Variants in IKZF3 observed in about 807,000 individuals in gnomAD.
The protein encoded by IKZF3 is zinc finger protein Aiolos.
Under a neutral mutation model 49.0 loss-of-function variants are expected in IKZF3, and 10 were observed. The ratio of observed to expected loss-of-function variants is 0.20; its 90% CI spans 0.13 to 0.35. IKZF3 has a LOEUF of 0.35. IKZF3 is among the 10% of genes least tolerant of loss of function. IKZF3 has a pLI of 1.00. For missense variants in IKZF3, 498 were observed against 664.8 expected, an observed-to-expected ratio of 0.75 and a Z score of 2.76; for synonymous variants, 209 against 228.2, an observed-to-expected ratio of 0.92 and a Z score of 0.76.
At chr17:39,789,112 C>T (rs771498097) in intron 5 of IKZF3, among the ~76,000 whole-genome samples, 6 of 152,004 alleles carry the variant, frequency 3.9e-5, no homozygotes, top group South Asian at 2.1e-4. Flanking sequence ...CCATTGCACC[C>T]GGCCAGGATA....
intron 7 of IKZF3, among the ~76,000 whole-genome samples, chr17:39,774,259 T>C (rs140704864): frequency 6.6e-6 from 1 of 152,272 alleles, no homozygotes; most frequent in East Asian, 1.9e-4. Context: ...TTAAAGGGAA[T>C]GACTCACTCT....
At chr17:39,768,788 T>A (rs948463910) in intron 7 of IKZF3, among the ~76,000 whole-genome samples, 1 of 152,240 alleles carries the variant, frequency 6.6e-6, no homozygotes, top group Admixed American at 6.5e-5. Context: ...ATGTGGTTTT[T>A]AAGGAAACTT....
intron 1 of IKZF3, among the ~76,000 whole-genome samples, chr17:39,855,392 C>G (rs183893498): frequency 6.6e-6 from 1 of 152,094 alleles, no homozygotes; most frequent in Admixed American, 6.6e-5. Context: ...TACATGAATT[C>G]CTAATATCAA....
At chr17:39,820,738 G>A (rs898409839) in intron 3 of IKZF3, among the ~76,000 whole-genome samples, 1 of 152,172 alleles carries the variant, frequency 6.6e-6, no homozygotes, top group Non-Finnish European at 1.5e-5. Flanking sequence ...TGCTAACGAG[G>A]TAGCTGAGGC....
intron 2 of IKZF3, among the ~76,000 whole-genome samples, chr17:39,831,249 C>A (rs1026169756): frequency 2.6e-5 from 4 of 152,046 alleles, no homozygotes; most frequent in African/African-American, 9.7e-5. Flanking sequence ...TGGTGCATGC[C>A]TGTAATCTCA....
At chr17:39,855,926 C>T (rs537359081) in intron 1 of IKZF3, among the ~76,000 whole-genome samples, 33 of 150,868 alleles carry the variant, frequency 2.2e-4, no homozygotes, top group South Asian at 8.4e-4. Context: ...TTATAATATA[C>T]GATGATGATG....
intron 6 of IKZF3, among the ~76,000 whole-genome samples, chr17:39,780,924 A>G (rs2060726186): frequency 6.6e-6 from 1 of 152,262 alleles, no homozygotes; most frequent in African/African-American, 2.4e-5. Flanking sequence ...CTTGTCAAAA[A>G]TAATTCTAGG....
chr17:39,829,007 AAATAAT>A (rs1568031819), intron 3 of IKZF3, among the ~76,000 whole-genome samples: 3 of 152,138 alleles, frequency 2.0e-5, no homozygotes, highest in Admixed American at 2.0e-4. Context: ...TCTCAAAAAA[AAATAAT>A]AATAATAATT....
intron 3 of IKZF3, among the ~76,000 whole-genome samples, chr17:39,827,657 C>T (rs1355876763): frequency 1.3e-5 from 2 of 152,104 alleles, no homozygotes; most frequent in Admixed American, 6.6e-5. Flanking sequence ...AGGGGCTTTG[C>T]TTACCTGGTT....
In IKZF3 at chr17:39,766,252, AG is replaced by A; in HGVS notation, c.1067del (p.Pro356LeufsTer63). ...GGATGCTTTTCTTTTCCAGCTCTTGAGGGGCACCGTTTGACATCTCAGCCCG... is the reference window on the plus strand; with the variant it reads ...GGATGCTTTTCTTTTCCAGCTCTTGAGGGCACCGTTTGACATCTCAGCCCG... The part of the protein sequence containing the change: ...LTRAEMSNGA[P>X]QELEKKSIHL... On this transcript the variant is annotated frameshift_variant, in exon 8 of 8. Transcript: ENST00000346872. LOFTEE classifies it high-confidence loss of function. 6.2e-7 allele frequency: 1 copy of A among 1,614,046 alleles called. No homozygotes were observed. Among genetic ancestry groups the A allele is most frequent in the Non-Finnish European group, 8.5e-7 (1 of 1,180,020 alleles).
chr17:39,769,818 A>C (rs1023635573), intron 7 of IKZF3, among the ~76,000 whole-genome samples: 1 of 152,184 alleles, frequency 6.6e-6, no homozygotes, highest in Non-Finnish European at 1.5e-5. Context: ...TTCTCCTAAG[A>C]GTTTGCTTTA....
chr17:39,850,640 A>AAC, intron 1 of IKZF3, among the ~76,000 whole-genome samples: 2 of 1,070 alleles, frequency 1.9e-3, no homozygotes, highest in Non-Finnish European at 4.9e-3. Context: ...ATATAGCATA[A>AAC]ATAACATATA....
chr17:39,784,268 T>TG (rs1301918952), intron 6 of IKZF3, among the ~76,000 whole-genome samples: 24 of 152,220 alleles, frequency 1.6e-4, no homozygotes, highest in South Asian at 1.4e-3. Flanking sequence ...ATCAAGCTAA[T>TG]GGGAAAATGC....
chr17:39,836,079 C>G (rs1296001822), intron 1 of IKZF3: 13 of 656,572 alleles, frequency 2.0e-5, no homozygotes. Flanking sequence ...CTTCAGGAAC[C>G]GCGATGAAGG....
At chr17:39,822,687 A>G (rs1414841711) in intron 3 of IKZF3, among the ~76,000 whole-genome samples, 1 of 148,116 alleles carries the variant, frequency 6.8e-6, no homozygotes, top group Non-Finnish European at 1.5e-5. Flanking sequence ...GATTCACACC[A>G]TTCTCCTGCC....
At chr17:39,810,421 G>C (rs1180490379) in intron 3 of IKZF3, among the ~76,000 whole-genome samples, 1 of 151,856 alleles carries the variant, frequency 6.6e-6, no homozygotes, top group Non-Finnish European at 1.5e-5. Context: ...TATCTACTTA[G>C]GAATATATAC....
At chr17:39,851,531 A>G (rs2062875945) in intron 1 of IKZF3, among the ~76,000 whole-genome samples, 1 of 152,172 alleles carries the variant, frequency 6.6e-6, no homozygotes, top group Non-Finnish European at 1.5e-5. Context: ...GATCTCAAAA[A>G]TCTATTGAGG....
chr17:39,863,696 C>A (rs1731552947), intron 1 of IKZF3, among the ~76,000 whole-genome samples: 1 of 152,154 alleles, frequency 6.6e-6, no homozygotes, highest in African/African-American at 2.4e-5. Flanking sequence ...TGTACCTTTC[C>A]CATATGACAC....
chr17:39,811,660 A>C (rs918678020), intron 3 of IKZF3, among the ~76,000 whole-genome samples: 3 of 152,200 alleles, frequency 2.0e-5, no homozygotes, highest in Non-Finnish European at 4.4e-5. Flanking sequence ...GCCAAAATGT[A>C]CTCACATGCT....
Sources: gnomAD v4.1 joint callset for allele counts (sites outside exome capture counted in the v4.1 genomes callset) on GRCh38, gnomAD v4.1.1 for gene constraint, MANE v1.5 for transcripts, NCBI Gene and HGNC (gene_info 2026-07-23, HGNC 2026-07-21) for gene names.